Variants in SDK1 observed in about 807,000 individuals in gnomAD.
The protein encoded by SDK1 is protein sidekick-1.
In SDK1, 157 loss-of-function variants were observed where a neutral mutation model predicts 245.5. That is an observed-to-expected ratio of 0.64 (90% confidence interval 0.56 to 0.73). The LOEUF (loss-of-function observed/expected upper bound fraction) is 0.73. Among genes scored for constraint, SDK1 ranks in the 30% least tolerant of loss-of-function variants. SDK1 has a pLI of 0.00. For missense variants in SDK1, 3,583 were observed against 3,002.3 expected (o/e 1.19, Z -4.52); for synonymous variants, 1,647 against 1,278.5 (o/e 1.29, Z -6.15).
intron 38 of SDK1, among the ~76,000 whole-genome samples, chr7:4,214,288 G>A (rs1054705694): frequency 7.2e-5 from 11 of 152,320 alleles, no homozygotes; most frequent in Admixed American, 3.9e-4. Context: ...TCACTAAAGC[G>A]TTTTATATTC....
intron 5 of SDK1, among the ~76,000 whole-genome samples, chr7:3,908,046 C>T (rs1370756400): frequency 1.3e-5 from 2 of 152,172 alleles, no homozygotes; most frequent in Non-Finnish European, 2.9e-5. Context: ...TGAGCCTTCT[C>T]ATCTCTTCTC....
intron 4 of SDK1, among the ~76,000 whole-genome samples, chr7:3,654,565 C>T (rs563080519): frequency 1.3e-5 from 2 of 152,326 alleles, no homozygotes; most frequent in South Asian, 2.1e-4. Flanking sequence ...CATCACATGA[C>T]GCAGTTGGAC....
At chr7:4,169,458 T>A (rs1315225813) in intron 32 of SDK1, among the ~76,000 whole-genome samples, 2 of 152,124 alleles carry the variant, frequency 1.3e-5, no homozygotes, top group Non-Finnish European at 2.9e-5. Context: ...GGGCCAGCCC[T>A]TCTCCCCTCA....
At chr7:3,980,255 A>C (rs7795672) in intron 13 of SDK1, among the ~76,000 whole-genome samples, 1 of 152,152 alleles carries the variant, frequency 6.6e-6, no homozygotes, top group Non-Finnish European at 1.5e-5. Context: ...TGTTTTTCTC[A>C]CACACACCTT....
chr7:3,590,862 G>T (rs570396390), intron 1 of SDK1, among the ~76,000 whole-genome samples: 1 of 149,760 alleles, frequency 6.7e-6, no homozygotes, highest in Non-Finnish European at 1.5e-5. Flanking sequence ...AGATTACTGT[G>T]GCCTTGACCT....
intron 1 of SDK1, among the ~76,000 whole-genome samples, chr7:3,372,352 C>T (rs753994157): frequency 1.1e-4 from 17 of 152,102 alleles, no homozygotes; most frequent in South Asian, 2.1e-4. Flanking sequence ...ATGTAGCCCA[C>T]GTTACAGTTA....
At chr7:3,395,622 T>C (rs1319591280) in intron 1 of SDK1, among the ~76,000 whole-genome samples, 1 of 152,026 alleles carries the variant, frequency 6.6e-6, no homozygotes, top group Non-Finnish European at 1.5e-5. Context: ...AATCTGAGCC[T>C]GGACTTTTCT....
At chr7:3,973,585 A>G (rs1782658090) in intron 12 of SDK1, among the ~76,000 whole-genome samples, 1 of 151,944 alleles carries the variant, frequency 6.6e-6, no homozygotes, top group South Asian at 2.1e-4. Context: ...TTTTTTTTTC[A>G]TGAGTTGGGC....
chr7:3,438,097 T>A (rs949353181), intron 1 of SDK1, among the ~76,000 whole-genome samples: 2 of 152,198 alleles, frequency 1.3e-5, no homozygotes, highest in Non-Finnish European at 2.9e-5. Flanking sequence ...ACCCCAGATC[T>A]CTTGACCTAG....
chr7:3,530,114 A>G (rs1013470483), intron 1 of SDK1, among the ~76,000 whole-genome samples: 2 of 152,190 alleles, frequency 1.3e-5, no homozygotes, highest in African/African-American at 4.8e-5. Context: ...CCCTAAACCT[A>G]GCACCAATTT....
intron 1 of SDK1, among the ~76,000 whole-genome samples, chr7:3,309,524 A>AT (rs59762021): frequency 0.046 from 5,804 of 127,292 alleles, 355 homozygotes; most frequent in African/African-American, 0.14. Flanking sequence ...CTAGAAAAAG[A>AT]TTTTTTTTTT....
At chr7:3,777,309 T>C (rs900364570) in intron 4 of SDK1, among the ~76,000 whole-genome samples, 56 of 152,224 alleles carry the variant, frequency 3.7e-4, no homozygotes, top group African/African-American at 1.3e-3. Flanking sequence ...TGGCATCCTG[T>C]TTAATAGATA....
chr7:4,110,833 T>G (rs1232363918), intron 23 of SDK1, 61 bp downstream of exon 23: 1 of 1,152,562 alleles, frequency 8.7e-7, no homozygotes, highest in East Asian at 2.3e-5. Context: ...GCAGGTGCCT[T>G]CTGTTGGCAA....
chr7:3,862,172 A>G (rs933496274), intron 5 of SDK1, among the ~76,000 whole-genome samples: 2 of 152,210 alleles, frequency 1.3e-5, no homozygotes, highest in African/African-American at 2.4e-5. Context: ...CTTTATTTAG[A>G]CCAGTTCTCA....
intron 1 of SDK1, among the ~76,000 whole-genome samples, chr7:3,309,754 C>T (rs867849941): frequency 6.6e-6 from 1 of 152,204 alleles, no homozygotes; most frequent in East Asian, 1.9e-4. Context: ...GGAAGAGATA[C>T]ATGAGTTCAC....
At chr7:3,855,521 C>G (rs79441261) in intron 5 of SDK1, among the ~76,000 whole-genome samples, 5,819 of 151,346 alleles carry the variant, frequency 0.038, 369 homozygotes, top group African/African-American at 0.13. Context: ...CTTAGAAATT[C>G]TCCTAGGATG....
At chr7:3,873,192 T>C (rs1396345278) in intron 5 of SDK1, among the ~76,000 whole-genome samples, 6 of 152,126 alleles carry the variant, frequency 3.9e-5, no homozygotes, top group Non-Finnish European at 8.8e-5. Context: ...TCCTTCACTT[T>C]TAGAGGATAT....
At chr7:3,561,992 A>G (rs149238740) in intron 1 of SDK1, among the ~76,000 whole-genome samples, 134 of 152,368 alleles carry the variant, frequency 8.8e-4, no homozygotes, top group Non-Finnish European at 1.5e-3. Context: ...GGGAAAAAAT[A>G]TAGAGGAAAT....
chr7:4,070,414 C>T (rs73040493), intron 20 of SDK1, among the ~76,000 whole-genome samples: 3,424 of 152,320 alleles, frequency 0.022, 56 homozygotes, highest in Non-Finnish European at 0.034. Flanking sequence ...AATGGAGCCA[C>T]CTCGGGCTGG....
Sources: gnomAD v4.1 joint callset for allele counts (sites outside exome capture counted in the v4.1 genomes callset) on GRCh38, gnomAD v4.1.1 for gene constraint, MANE v1.5 for transcripts, NCBI Gene and HGNC (gene_info 2026-07-23, HGNC 2026-07-21) for gene names.